The following CALD1 variants were observed in gnomAD, a reference collection of about 807,000 sequenced individuals.
CALD1 encodes caldesmon 1.
A neutral mutation model predicts 99.9 loss-of-function variants in CALD1; 33 were observed. The observed-to-expected ratio is 0.33, with a 90% CI of 0.25 to 0.44. The LOEUF is 0.44. CALD1 is among the 20% of genes least tolerant of loss of function. The pLI is 1.00. For missense variants in CALD1, 861 were observed against 962.1 expected (o/e 0.89, Z 1.39); for synonymous variants, 310 against 325.0 (o/e 0.95, Z 0.50).
chr7:134,752,136 C>A lies in CALD1; in HGVS notation c.-130+7773C>A, dbSNP rs1019102466. On this transcript the variant is annotated intron_variant, in intron 1 of 13. Transcript: ENST00000417172. ...ATGGATCTTCAAGTGGCAGAAGAAT[C>A]AGGAAGATGAGACCTCAGAGCTTAA... Among the ~76,000 whole-genome samples the A allele has an allele frequency of 5.3e-5, 8 of 152,254 alleles. No homozygotes were observed. The East Asian group carries it at 1.5e-3, about 29-fold the overall frequency.
chr7:134,882,611 A>G (rs892202647), intron 3 of CALD1, among the ~76,000 whole-genome samples: 5 of 152,222 alleles, frequency 3.3e-5, no homozygotes, highest in Admixed American at 3.3e-4. Flanking sequence ...AAATTTCTCT[A>G]ATGAAGGATC....
chr7:134,794,244 C>A (rs1014133084), intron 1 of CALD1, among the ~76,000 whole-genome samples: 4 of 152,164 alleles, frequency 2.6e-5, no homozygotes, highest in South Asian at 2.1e-4. Flanking sequence ...AGCAGCCATG[C>A]CTGTTACTGT....
At chr7:134,711,656 CTCTCTA>C in the CALD1 span, among the ~76,000 whole-genome samples, 22 of 68,136 alleles carry the variant, frequency 3.2e-4, no homozygotes, top group Middle Eastern at 6.2e-3. Context: ...CTCTCTCTCT[CTCTCTA>C]TATATATATA....
At chr7:134,845,247 G>A (rs949307907) in intron 2 of CALD1, among the ~76,000 whole-genome samples, 10 of 152,180 alleles carry the variant, frequency 6.6e-5, no homozygotes, top group Admixed American at 6.5e-4. Context: ...ACTAGAGGAG[G>A]TTTTGTATAC....
At chr7:134,859,297 A>G (rs557669626) in intron 2 of CALD1, among the ~76,000 whole-genome samples, 1 of 152,268 alleles carries the variant, frequency 6.6e-6, no homozygotes, top group Non-Finnish European at 1.5e-5. Flanking sequence ...ATCTTTACAT[A>G]TTTGTTGCAA....
intron 1 of CALD1, among the ~76,000 whole-genome samples, chr7:134,759,609 C>T (rs188810544): frequency 1.1e-4 from 16 of 152,220 alleles, no homozygotes; most frequent in Admixed American, 5.2e-4. Flanking sequence ...AAGGCAGATT[C>T]GCGAGGGATG....
intron 3 of CALD1, among the ~76,000 whole-genome samples, chr7:134,873,408 C>G (rs1801198099): frequency 6.6e-6 from 1 of 152,124 alleles, no homozygotes; most frequent in Non-Finnish European, 1.5e-5. Flanking sequence ...TCTGTCTGCT[C>G]TGAATTATGT....
intron 3 of CALD1, among the ~76,000 whole-genome samples, chr7:134,892,704 A>G (rs924870432): frequency 6.6e-6 from 1 of 152,218 alleles, no homozygotes; most frequent in Admixed American, 6.5e-5. Context: ...TTATCTGTAT[A>G]GTCCAGTGCT....
intron 9 of CALD1, among the ~76,000 whole-genome samples, chr7:134,952,625 C>T (rs1807443841): frequency 6.6e-6 from 1 of 152,126 alleles, no homozygotes; most frequent in African/African-American, 2.4e-5. Flanking sequence ...TGCACGCCAC[C>T]ATGCCCAGCT....
At chr7:134,807,334 G>A (rs778101601) in intron 1 of CALD1, among the ~76,000 whole-genome samples, 19 of 152,058 alleles carry the variant, frequency 1.2e-4, no homozygotes, top group Non-Finnish European at 1.5e-4. Context: ...ACTCACTGGG[G>A]GTATAAAGAA....
chr7:134,935,798 C>T, intron 6 of CALD1, 33 bp downstream of exon 6: 3 of 1,544,732 alleles, frequency 1.9e-6, no homozygotes, highest in Non-Finnish European at 2.6e-6. Context: ...GATCGTAAAG[C>T]AACAGAAAAA....
intron 7 of CALD1, among the ~76,000 whole-genome samples, chr7:134,942,032 G>A (rs1806486282): frequency 6.6e-6 from 1 of 152,118 alleles, no homozygotes; most frequent in Admixed American, 6.5e-5. Context: ...ACACTGGGCT[G>A]GCTACGTGAT....
intron 14 of CALD1, among the ~76,000 whole-genome samples, chr7:134,968,007 G>A (rs979624224): frequency 1.3e-5 from 2 of 151,992 alleles, no homozygotes; most frequent in African/African-American, 4.8e-5. Context: ...TTAGCCGGGC[G>A]TGGTGGTGTA....
At chr7:134,869,867 T>C (rs1008113434) in intron 3 of CALD1, among the ~76,000 whole-genome samples, 2 of 152,028 alleles carry the variant, frequency 1.3e-5, no homozygotes, top group Non-Finnish European at 2.9e-5. Flanking sequence ...CATCAAGGTA[T>C]AATGGAAGCC....
At chr7:134,787,922 C>G (rs1367648819) in intron 1 of CALD1, among the ~76,000 whole-genome samples, 1 of 152,138 alleles carries the variant, frequency 6.6e-6, no homozygotes, top group Non-Finnish European at 1.5e-5. Flanking sequence ...TACATAGAAG[C>G]AGAGCTTGTT....
At chr7:134,891,587 CT>C (rs770169917) in intron 3 of CALD1, 9 of 1,596,822 alleles carry the variant, frequency 5.6e-6, no homozygotes, top group Non-Finnish European at 7.7e-6. Flanking sequence ...GTCTCCGTAT[CT>C]CTCTGCCCCG....
intron 1 of CALD1, among the ~76,000 whole-genome samples, chr7:134,787,365 G>T (rs3800707): frequency 6.6e-6 from 1 of 152,014 alleles, no homozygotes; most frequent in African/African-American, 2.4e-5. Flanking sequence ...TTAGGCTTAG[G>T]GGGAGGGGTG....
chr7:134,913,839 G>A (rs74804781), intron 3 of CALD1, among the ~76,000 whole-genome samples: 4,553 of 152,236 alleles, frequency 0.03, 234 homozygotes, highest in African/African-American at 0.1. Context: ...AAACAGAGTG[G>A]GCTGGCTTTG....
At chr7:134,726,326 G>C in the CALD1 span, among the ~76,000 whole-genome samples, 1 of 146,976 alleles carries the variant, frequency 6.8e-6, no homozygotes, top group Non-Finnish European at 1.5e-5. Flanking sequence ...TAATATATTA[G>C]CATATATAAT....
Sources: gnomAD v4.1 joint callset for allele counts (sites outside exome capture counted in the v4.1 genomes callset) on GRCh38, gnomAD v4.1.1 for gene constraint, MANE v1.5 for transcripts, NCBI Gene and HGNC (gene_info 2026-07-23, HGNC 2026-07-21) for gene names.